Variants in BMPR2 observed in about 807,000 individuals in gnomAD.
BMPR2 encodes bone morphogenetic protein receptor type-2.
A neutral mutation model predicts 100.8 loss-of-function variants in BMPR2; 29 were observed. That is an observed-to-expected ratio of 0.29 (90% confidence interval 0.21 to 0.39). The LOEUF is 0.39. Among genes scored for constraint, BMPR2 ranks in the 10% least tolerant of loss-of-function variants. BMPR2 has a pLI of 1.00. For missense variants in BMPR2, 1,011 were observed against 1,274.5 expected (o/e 0.79, Z 3.15); for synonymous variants, 382 against 442.3 (o/e 0.86, Z 1.71).
At chr2:202,445,695 A>G (rs577829287) in intron 1 of BMPR2, among the ~76,000 whole-genome samples, 3 of 150,186 alleles carry the variant, frequency 2.0e-5, no homozygotes, top group African/African-American at 5.0e-5. Flanking sequence ...CCTGGGCTCA[A>G]GTGATCCTCC....
chr2:202,503,485 C>T lies in BMPR2; in HGVS notation c.419-10234C>T, dbSNP rs1255284263. 3.3e-5 allele frequency among the ~76,000 whole-genome samples: 5 copies of T among 152,242 alleles called. No homozygotes were observed. The highest frequency in any genetic ancestry group is 2.6e-4 in the Admixed American group (4 of 15,290). On this transcript the variant is annotated intron_variant, in intron 3 of 12. Coordinates refer to ENST00000374580, the MANE Select transcript of BMPR2 (RefSeq NM_001204.7). The surrounding 1 kb of genome is among the most constrained non-coding windows in gnomAD (Gnocchi z 4.0). ...CGGGCCCCGCACTCGGAGCAGCCAG[C>T]CCCGGGCAATGAGGGGCTTAGCACC... is the stretch of plus-strand genomic sequence containing the variant.
chr2:202,402,830 AT>A (rs752558128), intron 1 of BMPR2, among the ~76,000 whole-genome samples: 399 of 138,552 alleles, frequency 2.9e-3, no homozygotes, highest in Middle Eastern at 3.8e-3. Context: ...TGTGTTGCTA[AT>A]TTTTTTTTTT....
intron 1 of BMPR2, among the ~76,000 whole-genome samples, chr2:202,442,932 C>A (rs375226359): frequency 6.0e-5 from 9 of 150,586 alleles, no homozygotes; most frequent in African/African-American, 2.0e-4. Flanking sequence ...TTGTGTTCTC[C>A]TCAAATTCAT....
chr2:202,422,330 G>A (rs1041646066), intron 1 of BMPR2, among the ~76,000 whole-genome samples: 1 of 150,736 alleles, frequency 6.6e-6, no homozygotes, highest in Non-Finnish European at 1.5e-5. Flanking sequence ...TTTTTGAGAC[G>A]GAGTCTTGCT....
intron 1 of BMPR2, among the ~76,000 whole-genome samples, chr2:202,423,791 A>G (rs953868612): frequency 4.6e-5 from 7 of 152,124 alleles, no homozygotes. Context: ...ACAGTGGCTC[A>G]TGGCTGTAGT....
chr2:202,545,814 C>T (rs999141070), intron 10 of BMPR2, among the ~76,000 whole-genome samples: 1 of 152,180 alleles, frequency 6.6e-6, no homozygotes, highest in Non-Finnish European at 1.5e-5. Context: ...ACTACAGTCC[C>T]TGCTATGGGA....
rs575232642 is a variant in BMPR2, at chr2:202,534,793, G to A, written c.1276+2061G>A. The stretch of plus-strand genomic sequence containing the variant: ...CTGTTGGGCACACCTCCCAGACGGG[G>A]TGGTGGCCGGGCAGAGAGGCTCCTC... On this transcript the variant is annotated intron_variant, in intron 9 of 12. Transcript: ENST00000374580. Among the ~76,000 whole-genome samples the A allele has an allele frequency of 2.4e-3, 357 of 151,744 alleles. 2 individuals are homozygous for A. The highest frequency in any genetic ancestry group is 8.3e-3 in the African/African-American group (343 of 41,376).
chr2:202,428,866 T>C (rs1559035627), intron 1 of BMPR2, among the ~76,000 whole-genome samples: 1 of 152,214 alleles, frequency 6.6e-6, no homozygotes, highest in Non-Finnish European at 1.5e-5. Flanking sequence ...TTTCCACATA[T>C]ATCTAACTGT....
At chr2:202,469,757 A>G (rs1388243277) in intron 3 of BMPR2, among the ~76,000 whole-genome samples, 1 of 152,032 alleles carries the variant, frequency 6.6e-6, no homozygotes, top group Non-Finnish European at 1.5e-5. Context: ...TGCTGAGACT[A>G]CAGGCCTGAG....
intron 1 of BMPR2, among the ~76,000 whole-genome samples, chr2:202,393,932 A>AGAGAGAGT (rs1553494924): frequency 8.1e-6 from 1 of 122,912 alleles, no homozygotes; most frequent in African/African-American, 3.2e-5. Flanking sequence ...AGAGAGAGAG[A>AGAGAGAGT]GATTCCTGTG....
At chr2:202,461,111 T>G (rs1295706975) in intron 1 of BMPR2, among the ~76,000 whole-genome samples, 1 of 152,150 alleles carries the variant, frequency 6.6e-6, no homozygotes, top group African/African-American at 2.4e-5. Context: ...CCCAAAGTGT[T>G]GGGATTACAG....
At chr2:202,442,140 T>C (rs530293145) in intron 1 of BMPR2, among the ~76,000 whole-genome samples, 1 of 150,778 alleles carries the variant, frequency 6.6e-6, no homozygotes, top group Admixed American at 6.6e-5. Flanking sequence ...AGGGAGTTAG[T>C]CTAAGTGAAT....
intron 12 of BMPR2, among the ~76,000 whole-genome samples, 155 bp downstream of exon 12, chr2:202,556,686 C>T (rs1191214851): frequency 6.6e-6 from 1 of 152,216 alleles, no homozygotes; most frequent in Non-Finnish European, 1.5e-5. Flanking sequence ...GTGGCTCACA[C>T]CTGTAATCCT....
rs376621717 is a variant in BMPR2 at position 202,469,774 on chromosome 2, C to T, written c.418+2085C>T. 2.2e-4 allele frequency among the ~76,000 whole-genome samples: 34 copies of T among 152,228 alleles called. 1 individual carries two copies. Among genetic ancestry groups the T allele is most frequent in the African/African-American group, 3.1e-4 (13 of 41,554 alleles). ...CTGAGACTACAGGCCTGAGCCACCG[C>T]GCCCGGCCCCAATTGTATTTCATAT... On this transcript the variant is annotated intron_variant, in intron 3 of 12. Transcript: ENST00000374580.
At chr2:202,476,080 TAAAAAAAAAAAAAAAAA>T (rs56243938) in intron 3 of BMPR2, among the ~76,000 whole-genome samples, 1 of 95,378 alleles carries the variant, frequency 1.0e-5, no homozygotes, top group Non-Finnish European at 2.0e-5. Context: ...GTCTCAAGGT[TAAAAAAAAAAAAAAAAA>T]AAAAAAAAAA....
At chr2:202,424,068 CT>C (rs1205777659) in intron 1 of BMPR2, among the ~76,000 whole-genome samples, 1 of 75,594 alleles carries the variant, frequency 1.3e-5, no homozygotes, top group Non-Finnish European at 2.6e-5. Context: ...GCAAGACTGT[CT>C]CAAAAAAAAA....
At chr2:202,413,999 C>G (rs910589218) in intron 1 of BMPR2, among the ~76,000 whole-genome samples, 35 of 152,164 alleles carry the variant, frequency 2.3e-4, no homozygotes, top group Non-Finnish European at 4.7e-4. Context: ...TATACATATA[C>G]ATACACAGGC....
chr2:202,539,744 G>A (rs528401512), intron 9 of BMPR2, among the ~76,000 whole-genome samples: 14 of 152,094 alleles, frequency 9.2e-5, no homozygotes, highest in African/African-American at 3.4e-4. Context: ...AAGAATAAGT[G>A]TAATTTGAGA....
Position 202,377,420 on chromosome 2 carries a change from G to T in BMPR2, c.-55G>T. The T allele has an allele frequency of 1.9e-6, 3 of 1,563,190 alleles. No individual in the cohort carries two copies. Among genetic ancestry groups the T allele is most frequent in the Non-Finnish European group, 2.6e-6 (3 of 1,133,612 alleles). On this transcript the variant is annotated 5_prime_UTR_variant, in exon 1 of 13. Transcript: ENST00000374580. ...CGAGCCTCCCGGCTGTTTCTCCGCC[G>T]GTCTACTTCCCATATTTCTTTTCTT... is the stretch of plus-strand genomic sequence containing the variant.
Sources: gnomAD v4.1 joint callset for allele counts (sites outside exome capture counted in the v4.1 genomes callset) on GRCh38, gnomAD v4.1.1 for gene constraint, Gnocchi (gnomAD v3.1) non-coding constraint, MANE v1.5 for transcripts, NCBI Gene and HGNC (gene_info 2026-07-23, HGNC 2026-07-21) for gene names.